LRMDA: variants seen among roughly 807,000 people sequenced by gnomAD.
The protein encoded by LRMDA is leucine rich melanocyte differentiation associated.
LRMDA carries 18 observed loss-of-function variants against 29.8 expected under a neutral mutation model. That is an observed-to-expected ratio of 0.60 (90% CI 0.42 to 0.90). The LOEUF (loss-of-function observed/expected upper bound fraction) is 0.90. Among genes scored for constraint, LRMDA ranks in the 40% least tolerant of loss-of-function variants. The probability of loss-of-function intolerance (pLI) is 0.00; values close to 1 mark genes in which losing one functional copy is unlikely to be tolerated. For synonymous variants in LRMDA, 125 were observed against 109.4 expected (o/e 1.14, Z -0.89); for missense variants, 273 against 273.9 (o/e 1.00, Z 0.02).
intron 4 of LRMDA, among the ~76,000 whole-genome samples, chr10:76,048,790 G>A (rs1418085306): frequency 6.6e-6 from 1 of 152,144 alleles, no homozygotes; most frequent in Non-Finnish European, 1.5e-5. Context: ...CCTATCTTGT[G>A]TATTTTTTCT....
chr10:76,445,006 G>A (rs983582781), intron 6 of LRMDA, among the ~76,000 whole-genome samples: 1 of 151,992 alleles, frequency 6.6e-6, no homozygotes, highest in African/African-American at 2.4e-5. Flanking sequence ...CCCATCGTAT[G>A]TGCATGTATA....
At chr10:75,903,634 A>G (rs1845714005) in intron 2 of LRMDA, among the ~76,000 whole-genome samples, 1 of 152,232 alleles carries the variant, frequency 6.6e-6, no homozygotes, top group Admixed American at 6.5e-5. Context: ...AACTAGAAAA[A>G]TGCCAGAGCC....
intron 5 of LRMDA, among the ~76,000 whole-genome samples, chr10:76,217,655 A>G (rs778524235): frequency 1.3e-5 from 2 of 152,220 alleles, no homozygotes; most frequent in East Asian, 3.8e-4. Flanking sequence ...ACGATGAGTC[A>G]AGGGGAAACG....
At chr10:75,854,296 G>A (rs1844784106) in intron 2 of LRMDA, among the ~76,000 whole-genome samples, 1 of 152,086 alleles carries the variant, frequency 6.6e-6, no homozygotes, top group Non-Finnish European at 1.5e-5. Context: ...TTCTTTGCTT[G>A]GGTGATATTC....
intron 2 of LRMDA, among the ~76,000 whole-genome samples, chr10:75,745,350 CA>C (rs1842877369): frequency 6.6e-6 from 1 of 152,138 alleles, no homozygotes. Context: ...GTGAAATTCA[CA>C]TAACATGATT....
intron 5 of LRMDA, among the ~76,000 whole-genome samples, chr10:76,216,923 T>G (rs1262715705): frequency 6.6e-6 from 1 of 152,180 alleles, no homozygotes; most frequent in Non-Finnish European, 1.5e-5. Flanking sequence ...CAATGGACTA[T>G]TATACACCAG....
intron 6 of LRMDA, among the ~76,000 whole-genome samples, chr10:76,425,087 A>G (rs1333248022): frequency 1.3e-5 from 2 of 152,186 alleles, no homozygotes; most frequent in Non-Finnish European, 2.9e-5. Context: ...CAATGCAGTG[A>G]ACTCAACAAT....
At chr10:75,779,148 A>G (rs1271970119) in intron 2 of LRMDA, among the ~76,000 whole-genome samples, 1 of 152,264 alleles carries the variant, frequency 6.6e-6, no homozygotes, top group East Asian at 1.9e-4. Context: ...TACACAAGTC[A>G]GCATGACTCT....
At position 75,742,491 on chromosome 10, in the gene LRMDA, CT is replaced by C. The variant is rs776952417; in HGVS notation, c.132-293516del. Among the ~76,000 whole-genome samples, 6 of 152,300 alleles carry C rather than the reference CT, an allele frequency of 3.9e-5. No individual in the cohort carries two copies. In the East Asian group the frequency reaches 1.2e-3, roughly 29 times the overall value. On this transcript the variant is annotated intron_variant, in intron 2 of 6. Transcript: ENST00000611255. Reference sequence around the variant, plus strand: ...CTCCCCCAACACTTGAATAGGTGTGCTGTGGGGGTGGATGGGAGGCACACTA... The same window carrying C: ...CTCCCCCAACACTTGAATAGGTGTGCGTGGGGGTGGATGGGAGGCACACTA...
chr10:75,886,312 A>G (rs964220565), intron 2 of LRMDA, among the ~76,000 whole-genome samples: 1 of 152,204 alleles, frequency 6.6e-6, no homozygotes, highest in Non-Finnish European at 1.5e-5. Flanking sequence ...ACCAGTTTGT[A>G]TATTGCTAAA....
intron 5 of LRMDA, among the ~76,000 whole-genome samples, chr10:76,254,148 T>C (rs914850167): frequency 6.6e-6 from 1 of 152,160 alleles, no homozygotes; most frequent in South Asian, 2.1e-4. Context: ...CTTTCACTGC[T>C]TCCCTATCCT....
At chr10:76,429,171 A>T (rs1481030706) in intron 6 of LRMDA, among the ~76,000 whole-genome samples, 2 of 152,166 alleles carry the variant, frequency 1.3e-5, no homozygotes, top group Non-Finnish European at 2.9e-5. Context: ...TTAACAAAAA[A>T]AAAAAAGTTA....
chr10:75,765,171 G>T (rs1240237401), intron 2 of LRMDA, among the ~76,000 whole-genome samples: 1 of 151,322 alleles, frequency 6.6e-6, no homozygotes, highest in Non-Finnish European at 1.5e-5. Context: ...TTTATTTCCT[G>T]CTTTGGGGTA....
At chr10:76,177,364 A>C (rs981150259) in intron 5 of LRMDA, among the ~76,000 whole-genome samples, 2 of 151,942 alleles carry the variant, frequency 1.3e-5, no homozygotes, top group African/African-American at 4.8e-5. Context: ...TTTTCAACTA[A>C]TTTGTGAGTA....
chr10:76,542,228 C>T (rs1843365996), intron 6 of LRMDA, among the ~76,000 whole-genome samples: 1 of 152,148 alleles, frequency 6.6e-6, no homozygotes, highest in South Asian at 2.1e-4. Context: ...CCTGCATTTA[C>T]AGAGATGTGT....
At chr10:76,387,778 A>G (rs761967051) in intron 6 of LRMDA, among the ~76,000 whole-genome samples, 13 of 152,230 alleles carry the variant, frequency 8.5e-5, no homozygotes, top group Non-Finnish European at 1.8e-4. Flanking sequence ...AAAGAGTACC[A>G]TGAGATTGTG....
intron 5 of LRMDA, among the ~76,000 whole-genome samples, chr10:76,060,306 G>A (rs1041297480): frequency 5.3e-5 from 8 of 152,118 alleles, no homozygotes; most frequent in African/African-American, 1.9e-4. Context: ...GCTCTACATT[G>A]TCACACAAAA....
Position 75,570,955 on chromosome 10 carries a change from A to G in LRMDA, c.131+132461A>G, listed in dbSNP as rs1406908065. Among the ~76,000 whole-genome samples, 10 of 152,364 alleles carry G rather than the reference A, an allele frequency of 6.6e-5. No homozygotes were observed. The East Asian group carries it at 1.9e-3, about 29-fold the overall frequency. On this transcript the variant is annotated intron_variant, in intron 2 of 6. Coordinates refer to ENST00000611255, the MANE Select transcript of LRMDA (RefSeq NM_001305581.2). ...CCTTCTAATCTAATAATGTTGAAAT[A>G]ATTTGAAAATGGTAGTTAGTCAAAG...
chr10:76,482,947 C>T (rs1202462704), intron 6 of LRMDA, among the ~76,000 whole-genome samples: 1 of 151,932 alleles, frequency 6.6e-6, no homozygotes, highest in Non-Finnish European at 1.5e-5. Context: ...AGTGGTAGCT[C>T]ATCATATAGT....
Sources: allele counts gnomAD v4.1 joint callset (sites outside exome capture counted in the v4.1 genomes callset), GRCh38; gene constraint gnomAD v4.1.1; transcripts MANE v1.5; gene names NCBI Gene and HGNC (gene_info 2026-07-23, HGNC 2026-07-21).